The following TGFBR3 variants were observed in gnomAD, a reference collection of about 807,000 sequenced individuals.
TGFBR3 encodes the protein transforming growth factor beta receptor 3, also known as transforming growth factor beta receptor type 3.
TGFBR3 carries 46 observed loss-of-function variants against 87.9 expected under a neutral mutation model. The ratio of observed to expected loss-of-function variants is 0.52; its 90% CI spans 0.41 to 0.67. The LOEUF (loss-of-function observed/expected upper bound fraction) is 0.67. TGFBR3 is among the 30% of genes least tolerant of loss of function. The pLI is 0.00. For synonymous variants in TGFBR3, 381 were observed against 391.6 expected (o/e 0.97, Z 0.32); for missense variants, 866 against 1,041.9 (o/e 0.83, Z 2.32).
intron 5 of TGFBR3, 44 bp from the exon 6 acceptor site, chr1:91,730,017 G>C (rs773316688): frequency 6.2e-7 from 1 of 1,609,134 alleles, no homozygotes; most frequent in Non-Finnish European, 8.5e-7. Context: ...TGAGGTACTC[G>C]GTAACCAGAT....
rs151172067 is a variant in TGFBR3, at chr1:91,826,451, T to C, written c.62-28980A>G. On this transcript the variant is annotated intron_variant, in intron 2 of 16. Transcript: ENST00000212355. Reference sequence around the variant, plus strand: ...TCCTAAGCCAATCACTGTAACTCCATTACTCTACCAGGGACTGATTCAAGG... The same window carrying C: ...TCCTAAGCCAATCACTGTAACTCCACTACTCTACCAGGGACTGATTCAAGG... Among the ~76,000 whole-genome samples, 17 of 152,196 alleles carry C rather than the reference T, an allele frequency of 1.1e-4. No homozygotes were observed. In the East Asian group the frequency reaches 3.3e-3, roughly 29 times the overall value.
chr1:91,858,746 C>A (rs74592619), intron 2 of TGFBR3, among the ~76,000 whole-genome samples: 6,425 of 151,740 alleles, frequency 0.042, 370 homozygotes, highest in African/African-American at 0.13. Context: ...TTATCAGTTG[C>A]CTCATGCTAT....
chr1:91,846,181 G>A (rs1677491482), intron 2 of TGFBR3, among the ~76,000 whole-genome samples: 1 of 152,176 alleles, frequency 6.6e-6, no homozygotes, highest in Non-Finnish European at 1.5e-5. Context: ...ACGCAATTGA[G>A]CCGGGTAAGG....
intron 13 of TGFBR3, among the ~76,000 whole-genome samples, chr1:91,710,869 G>A (rs186198658): frequency 2.0e-5 from 3 of 152,216 alleles, no homozygotes; most frequent in East Asian, 1.9e-4. Flanking sequence ...GGTAAAGGGC[G>A]ACTTGAGGTT....
At chr1:91,687,224 G>C (rs1671116378) in intron 16 of TGFBR3, among the ~76,000 whole-genome samples, 1 of 152,122 alleles carries the variant, frequency 6.6e-6, no homozygotes. Context: ...GAGGCTGAAG[G>C]GGGAGGATCT....
intron 7 of TGFBR3, among the ~76,000 whole-genome samples, chr1:91,723,630 C>A (rs1253405273): frequency 1.3e-5 from 2 of 151,802 alleles, no homozygotes; most frequent in African/African-American, 2.4e-5. Context: ...TAAATTTATA[C>A]ATCAGTTGCT....
intron 2 of TGFBR3, among the ~76,000 whole-genome samples, chr1:91,857,422 G>A (rs1271548054): frequency 6.6e-6 from 1 of 151,590 alleles, no homozygotes; most frequent in Non-Finnish European, 1.5e-5. Flanking sequence ...TTCCCACCTG[G>A]TGAACTCAGT....
intron 3 of TGFBR3, chr1:91,786,125 CT>C (rs1370234063): frequency 2.3e-6 from 1 of 434,450 alleles, no homozygotes; most frequent in Non-Finnish European, 4.6e-6. Context: ...AATTCATTCT[CT>C]CTCAACTCTA....
intron 1 of TGFBR3, among the ~76,000 whole-genome samples, chr1:91,885,444 C>G (rs955880966): frequency 2.6e-5 from 4 of 152,132 alleles, no homozygotes; most frequent in African/African-American, 4.8e-5. Context: ...AAACCGCGTC[C>G]GTGCACGAGT....
At chr1:91,784,455 G>A (rs1674885575) in intron 3 of TGFBR3, among the ~76,000 whole-genome samples, 2 of 152,200 alleles carry the variant, frequency 1.3e-5, no homozygotes, top group Non-Finnish European at 2.9e-5. Flanking sequence ...CACCAGCTGA[G>A]TGTGCAGAAT....
chr1:91,783,464 A>G lies in TGFBR3; in HGVS notation c.246+13823T>C, dbSNP rs17886710. On this transcript the variant is annotated intron_variant, in intron 3 of 16. Transcript: ENST00000212355. Reference sequence around the variant, plus strand: ...CGGGCTGGACAGGAAAGCATGGAGAACATGGCTGCAATGGAAGCCAAAGCA... The same window carrying G: ...CGGGCTGGACAGGAAAGCATGGAGAGCATGGCTGCAATGGAAGCCAAAGCA... Among the ~76,000 whole-genome samples the G allele has an allele frequency of 4.2e-3, 639 of 152,346 alleles. 8 individuals are homozygous for G. Among genetic ancestry groups the G allele is most frequent in the African/African-American group, 0.015 (612 of 41,576 alleles).
At chr1:91,860,885 T>C (rs1678155661) in intron 2 of TGFBR3, among the ~76,000 whole-genome samples, 1 of 120,054 alleles carries the variant, frequency 8.3e-6, no homozygotes, top group African/African-American at 3.3e-5. Flanking sequence ...TGAGCCGAGA[T>C]CAGGCCATTG....
At chr1:91,706,112 T>G (rs1671791504) in intron 14 of TGFBR3, among the ~76,000 whole-genome samples, 1 of 152,154 alleles carries the variant, frequency 6.6e-6, no homozygotes, top group South Asian at 2.1e-4. Context: ...CTCAAAATAG[T>G]TACGAGTAAC....
intron 4 of TGFBR3, among the ~76,000 whole-genome samples, chr1:91,747,585 G>A (rs1673388620): frequency 6.6e-6 from 1 of 152,200 alleles, no homozygotes; most frequent in South Asian, 2.1e-4. Flanking sequence ...AATTGCTCAA[G>A]GATCTTAAAA....
chr1:91,800,298 A>G (rs1185550992), intron 2 of TGFBR3, among the ~76,000 whole-genome samples: 1 of 141,690 alleles, frequency 7.1e-6, no homozygotes, highest in African/African-American at 2.6e-5. Context: ...ATATATACAT[A>G]TATGCATGCA....
intron 8 of TGFBR3, 149 bp downstream of exon 8, chr1:91,721,806 G>A: frequency 1.4e-6 from 1 of 709,138 alleles, no homozygotes. Context: ...CTCTGTCTAG[G>A]TAATTTTAAG....
chr1:91,798,219 T>A (rs7550856), intron 2 of TGFBR3, among the ~76,000 whole-genome samples: 17,972 of 152,148 alleles, frequency 0.12, 1,492 homozygotes, highest in East Asian at 0.48. Context: ...ACTCAAGCTC[T>A]GCATGCCACC....
chr1:91,869,551 C>A (rs1481637741), intron 1 of TGFBR3, among the ~76,000 whole-genome samples: 1 of 152,188 alleles, frequency 6.6e-6, no homozygotes, highest in Non-Finnish European at 1.5e-5. Context: ...GTAATCTCAG[C>A]TACTCGGGAG....
At chr1:91,791,674 T>C (rs1039692298) in intron 3 of TGFBR3, among the ~76,000 whole-genome samples, 3 of 152,156 alleles carry the variant, frequency 2.0e-5, no homozygotes, top group African/African-American at 4.8e-5. Flanking sequence ...AGCTGGAGTA[T>C]GGGAAAAGCT....
Sources: allele counts gnomAD v4.1 joint callset (sites outside exome capture counted in the v4.1 genomes callset), GRCh38; gene constraint gnomAD v4.1.1; transcripts MANE v1.5; gene names NCBI Gene and HGNC (gene_info 2026-07-23, HGNC 2026-07-21).